CD226: variants seen among roughly 807,000 people sequenced by gnomAD.
CD226 encodes the protein CD226 molecule.
In CD226, 24 loss-of-function variants were observed where a neutral mutation model predicts 34.9. The observed-to-expected ratio is 0.69, with a 90% CI of 0.50 to 0.97. The LOEUF (loss-of-function observed/expected upper bound fraction) is 0.97. CD226 is among the 50% of genes least tolerant of loss of function. The probability of loss-of-function intolerance (pLI) is 0.00; values close to 1 mark genes in which losing one functional copy is unlikely to be tolerated. For missense variants in CD226, 397 were observed against 412.7 expected (o/e 0.96, Z 0.33); for synonymous variants, 148 against 147.4 (o/e 1.00, Z -0.03).
intron 5 of CD226, 76 bp from the exon 6 acceptor site, chr18:69,864,515 T>C: frequency 7.0e-7 from 1 of 1,427,416 alleles, no homozygotes. Flanking sequence ...AAAACATACC[T>C]CTCATAAATG....
At chr18:69,939,892 C>T (rs1311055907) in intron 2 of CD226, among the ~76,000 whole-genome samples, 1 of 152,164 alleles carries the variant, frequency 6.6e-6, no homozygotes, top group Non-Finnish European at 1.5e-5. Flanking sequence ...CTGCAGCCTG[C>T]AAGCCCACAC....
At chr18:69,888,803 A>G (rs145319557) in intron 3 of CD226, among the ~76,000 whole-genome samples, 80 of 152,296 alleles carry the variant, frequency 5.3e-4, no homozygotes, top group African/African-American at 1.8e-3. Flanking sequence ...ACAGTCAACA[A>G]TGTTCTTCAA....
intron 2 of CD226, among the ~76,000 whole-genome samples, chr18:69,931,846 T>G (rs771152916): frequency 2.6e-5 from 4 of 152,228 alleles, no homozygotes; most frequent in Non-Finnish European, 5.9e-5. Flanking sequence ...CACCTCTGCA[T>G]TAGTTTGCTA....
chr18:69,866,086 T>C (rs1983123700), intron 5 of CD226, among the ~76,000 whole-genome samples: 1 of 152,170 alleles, frequency 6.6e-6, no homozygotes, highest in African/African-American at 2.4e-5. Context: ...GTCTTCTCAG[T>C]ATCCTCACAT....
intron 3 of CD226, among the ~76,000 whole-genome samples, chr18:69,892,097 T>C (rs931614879): frequency 2.6e-5 from 4 of 152,228 alleles, no homozygotes; most frequent in Non-Finnish European, 5.9e-5. Context: ...CATTTGAACC[T>C]TGATGGTCCC....
chr18:69,928,677 C>A (rs2055552826), intron 2 of CD226, among the ~76,000 whole-genome samples: 1 of 152,130 alleles, frequency 6.6e-6, no homozygotes, highest in Non-Finnish European at 1.5e-5. Context: ...CATCCCAAAT[C>A]CAAAAATCTG....
At chr18:69,896,305 C>T (rs1034881354) in intron 2 of CD226, 22 of 275,896 alleles carry the variant, frequency 8.0e-5, no homozygotes, top group Non-Finnish European at 1.2e-4. Context: ...CCTCAGCCTC[C>T]TGAGTAGCTG....
intron 2 of CD226, among the ~76,000 whole-genome samples, chr18:69,927,366 A>ACG (rs2055534160): frequency 7.8e-6 from 1 of 127,736 alleles, no homozygotes; most frequent in African/African-American, 4.4e-5. Flanking sequence ...AAGACACTAC[A>ACG]CACACACACA....
chr18:69,955,739 T>C (rs1380637440), intron 1 of CD226, among the ~76,000 whole-genome samples: 2 of 151,892 alleles, frequency 1.3e-5, no homozygotes. Flanking sequence ...AGCGGGCACC[T>C]GTAGTCCCAG....
At chr18:69,888,510 T>C (rs1349115287) in intron 3 of CD226, among the ~76,000 whole-genome samples, 1 of 151,016 alleles carries the variant, frequency 6.6e-6, no homozygotes, top group Admixed American at 6.6e-5. Context: ...CCACTAATTC[T>C]TGGGCTCAAG....
At chr18:69,905,743 C>T (rs1020929872) in intron 2 of CD226, among the ~76,000 whole-genome samples, 3 of 152,090 alleles carry the variant, frequency 2.0e-5, no homozygotes, top group Admixed American at 6.5e-5. Context: ...TGTAAAAAGA[C>T]GATAAGTCCT....
intron 2 of CD226, among the ~76,000 whole-genome samples, chr18:69,901,204 A>G (rs1192577589): frequency 6.6e-6 from 1 of 152,228 alleles, no homozygotes; most frequent in Non-Finnish European, 1.5e-5. Flanking sequence ...TACAGGTTAA[A>G]GGGAGGTATT....
At chr18:69,959,318 C>A (rs7235771), upstream of CD226, among the ~76,000 whole-genome samples, 484 of 152,288 alleles carry the variant, frequency 3.2e-3, 7 homozygotes, top group African/African-American at 0.011. Flanking sequence ...ACTCAGAGAT[C>A]AACAAGAGCC....
chr18:69,956,060 C>A (rs1334416910), intron 1 of CD226, among the ~76,000 whole-genome samples: 1 of 152,120 alleles, frequency 6.6e-6, no homozygotes, highest in African/African-American at 2.4e-5. Flanking sequence ...CAGTAGAACC[C>A]CACTTCCAGT....
chr18:69,896,205 G>A (rs887049645), intron 2 of CD226, 160 bp from the exon 3 acceptor site: 18 of 910,854 alleles, frequency 2.0e-5, no homozygotes, highest in African/African-American at 1.3e-4. Flanking sequence ...TTCCTGAGAC[G>A]GAGTCTTGCT....
rs537444235 is a variant in CD226 at position 69,930,045 on chromosome 18, T to A, written c.382+16689A>T. On this transcript the variant is annotated intron_variant, in intron 2 of 5. Transcript: ENST00000582621. Reference sequence around the variant, plus strand: ...TGAGCACGGGCAACTACAAACAAAATCCTACTGGGACTGGAGAAGAGTCCA... The same window carrying A: ...TGAGCACGGGCAACTACAAACAAAAACCTACTGGGACTGGAGAAGAGTCCA... 5.3e-5 allele frequency among the ~76,000 whole-genome samples: 8 copies of A among 152,114 alleles called. No individual in the cohort carries two copies. The South Asian group carries it at 1.0e-3, about 20-fold the overall frequency.
intron 2 of CD226, among the ~76,000 whole-genome samples, chr18:69,912,949 G>C (rs1299956584): frequency 6.6e-6 from 1 of 152,156 alleles, no homozygotes; most frequent in Non-Finnish European, 1.5e-5. Context: ...CAGATAAAGA[G>C]CATTTAGGGA....
At chr18:69,919,579 T>G (rs537293239) in intron 2 of CD226, among the ~76,000 whole-genome samples, 22 of 152,332 alleles carry the variant, frequency 1.4e-4, no homozygotes, top group African/African-American at 5.1e-4. Context: ...ACCTAAATTT[T>G]AAGAGTAAAT....
intron 3 of CD226, among the ~76,000 whole-genome samples, chr18:69,883,348 GGTAGGTGATGCT>G (rs1385978495): frequency 6.6e-6 from 1 of 152,148 alleles, no homozygotes; most frequent in Non-Finnish European, 1.5e-5. Context: ...AAACAAACGA[GGTAGGTGATGCT>G]TTGTAGTGAG....
Sources: allele counts gnomAD v4.1 joint callset (sites outside exome capture counted in the v4.1 genomes callset), GRCh38; gene constraint gnomAD v4.1.1; transcripts MANE v1.5; gene names NCBI Gene and HGNC (gene_info 2026-07-23, HGNC 2026-07-21).